Variants in ARHGAP24 observed in about 807,000 individuals in gnomAD.
ARHGAP24 encodes the protein Rho GTPase activating protein 24, also known as rho GTPase-activating protein 24.
Under a neutral mutation model 76.4 loss-of-function variants are expected in ARHGAP24, and 50 were observed. That is an observed-to-expected ratio of 0.65 (90% confidence interval 0.52 to 0.83). The LOEUF (loss-of-function observed/expected upper bound fraction) is 0.83, where lower values mean the gene tolerates loss of function less well. Among genes scored for constraint, ARHGAP24 ranks in the 40% least tolerant of loss-of-function variants. The pLI, the probability that ARHGAP24 is intolerant of heterozygous loss-of-function variation, is 0.00. For missense variants in ARHGAP24, 930 were observed against 914.2 expected, an observed-to-expected ratio of 1.02 and a Z score of -0.22; for synonymous variants, 345 against 323.3, an observed-to-expected ratio of 1.07 and a Z score of -0.72.
chr4:85,477,832 A>G (rs1182094982), intron 1 of ARHGAP24, among the ~76,000 whole-genome samples: 2 of 152,176 alleles, frequency 1.3e-5, no homozygotes, highest in African/African-American at 4.8e-5. Flanking sequence ...GCTACTGTAC[A>G]GTTCAGGCCG....
At chr4:85,672,429 G>A (rs1233254557) in intron 2 of ARHGAP24, among the ~76,000 whole-genome samples, 2 of 152,166 alleles carry the variant, frequency 1.3e-5, no homozygotes, top group African/African-American at 2.4e-5. Context: ...ACACACAGAT[G>A]TCACAATGAA....
chr4:85,667,799 A>G (rs2109999016), intron 2 of ARHGAP24, among the ~76,000 whole-genome samples: 1 of 152,362 alleles, frequency 6.6e-6, no homozygotes, highest in East Asian at 1.9e-4. Flanking sequence ...ATTGGATACA[A>G]GAATTTCTTA....
chr4:85,983,748 T>C (rs2148862253), intron 8 of ARHGAP24, among the ~76,000 whole-genome samples: 1 of 152,202 alleles, frequency 6.6e-6, no homozygotes, highest in South Asian at 2.1e-4. Flanking sequence ...CCCTCAAAAC[T>C]CTCCCAAATC....
At chr4:85,847,645 G>A (rs1283670193) in intron 3 of ARHGAP24, among the ~76,000 whole-genome samples, 1 of 152,212 alleles carries the variant, frequency 6.6e-6, no homozygotes, top group Non-Finnish European at 1.5e-5. Context: ...AGGTTTAGAT[G>A]TGGGACTATA....
chr4:85,975,790 G>C (rs1245621877), intron 7 of ARHGAP24: 2 of 152,184 alleles, frequency 1.3e-5, no homozygotes, highest in East Asian at 1.9e-4. Flanking sequence ...TTATGTGTGT[G>C]TTTGGTGTTA....
At chr4:86,000,310 A>G (rs1234503398) in intron 9 of ARHGAP24, 169 bp from the exon 10 acceptor site, 2 of 588,824 alleles carry the variant, frequency 3.4e-6, no homozygotes, top group Non-Finnish European at 6.0e-6. Flanking sequence ...GTAAAATAAT[A>G]CAACAAAATT....
intron 1 of ARHGAP24, among the ~76,000 whole-genome samples, chr4:85,492,351 A>G (rs1435761579): frequency 6.6e-6 from 1 of 152,104 alleles, no homozygotes; most frequent in East Asian, 1.9e-4. Flanking sequence ...TTTCACTTTA[A>G]TTGTTCAAAA....
chr4:85,922,903 C>A (rs544273995), intron 3 of ARHGAP24, among the ~76,000 whole-genome samples: 1 of 152,194 alleles, frequency 6.6e-6, no homozygotes, highest in Admixed American at 6.5e-5. Flanking sequence ...TTTTAAAGTT[C>A]ATGAATTGTT....
In ARHGAP24 at chr4:85,606,236, G is replaced by A. The variant is rs377547507; in HGVS notation, c.180+35515G>A. 5.9e-5 allele frequency among the ~76,000 whole-genome samples: 9 copies of A among 152,170 alleles called. No homozygotes were observed. The East Asian group carries it at 9.6e-4, about 16-fold the overall frequency. On this transcript the variant is annotated intron_variant, in intron 2 of 9. Transcript: ENST00000395184. ...GATAAAGGAAAAGATAGGCCAGGCC[G>A]GGCGCGGTGGCTCACGCCTGTAATC...
intron 2 of ARHGAP24, among the ~76,000 whole-genome samples, chr4:85,633,894 T>C (rs964853221): frequency 1.3e-5 from 2 of 151,890 alleles, no homozygotes; most frequent in Admixed American, 1.3e-4. Context: ...CATATAATTT[T>C]ATTTTCCCAG....
chr4:85,658,235 C>G (rs1722244905), intron 2 of ARHGAP24, among the ~76,000 whole-genome samples: 1 of 152,096 alleles, frequency 6.6e-6, no homozygotes, highest in African/African-American at 2.4e-5. Flanking sequence ...ATTTGGGACC[C>G]TGGGATCTGC....
At chr4:85,756,871 T>G (rs1354643632) in intron 3 of ARHGAP24, among the ~76,000 whole-genome samples, 3 of 152,196 alleles carry the variant, frequency 2.0e-5, no homozygotes, top group Non-Finnish European at 4.4e-5. Context: ...ACTAGGATAG[T>G]GGAAGCCCTT....
At chr4:85,498,053 C>T (rs904325039) in intron 1 of ARHGAP24, among the ~76,000 whole-genome samples, 2 of 152,058 alleles carry the variant, frequency 1.3e-5, no homozygotes, top group Non-Finnish European at 2.9e-5. Context: ...GTGTAGAGTC[C>T]TTTATGCAAG....
intron 3 of ARHGAP24, among the ~76,000 whole-genome samples, chr4:85,812,231 G>A (rs536249490): frequency 1.3e-5 from 2 of 152,014 alleles, no homozygotes; most frequent in African/African-American, 4.8e-5. Context: ...TTAAGTATTG[G>A]AGCGCCAAGT....
At chr4:85,866,396 C>A (rs960652087) in intron 3 of ARHGAP24, among the ~76,000 whole-genome samples, 1 of 152,108 alleles carries the variant, frequency 6.6e-6, no homozygotes, top group African/African-American at 2.4e-5. Flanking sequence ...CCTTGGCTTA[C>A]CCTGCCTGCC....
intron 2 of ARHGAP24, among the ~76,000 whole-genome samples, chr4:85,664,668 C>G (rs2109995588): frequency 6.6e-6 from 1 of 150,752 alleles, no homozygotes; most frequent in African/African-American, 2.5e-5. Flanking sequence ...AAATTTCCCT[C>G]TACACACTGC....
intron 2 of ARHGAP24, among the ~76,000 whole-genome samples, chr4:85,681,252 C>T (rs1723193724): frequency 6.6e-6 from 1 of 152,240 alleles, no homozygotes; most frequent in African/African-American, 2.4e-5. Flanking sequence ...CAGCTGACTC[C>T]AGCATAAGCA....
At chr4:85,960,321 C>A (rs1738167813) in intron 5 of ARHGAP24, among the ~76,000 whole-genome samples, 1 of 152,088 alleles carries the variant, frequency 6.6e-6, no homozygotes, top group South Asian at 2.1e-4. Flanking sequence ...GTTACAGAGT[C>A]TCTAAGGAAT....
chr4:85,754,718 C>A (rs992021546), intron 3 of ARHGAP24, among the ~76,000 whole-genome samples: 2 of 152,126 alleles, frequency 1.3e-5, no homozygotes, highest in Admixed American at 1.3e-4. Context: ...CCAGGAAGAG[C>A]AATTGGTAAA....
Sources: gnomAD v4.1 joint callset for allele counts (sites outside exome capture counted in the v4.1 genomes callset) on GRCh38, gnomAD v4.1.1 for gene constraint, MANE v1.5 for transcripts, NCBI Gene and HGNC (gene_info 2026-07-23, HGNC 2026-07-21) for gene names.